The following C22orf23 variants were observed in gnomAD, a reference collection of about 807,000 sequenced individuals.
The protein encoded by C22orf23 is chromosome 22 open reading frame 23, also known as UPF0193 protein EVG1.
In C22orf23, 30 loss-of-function variants were observed where a neutral mutation model predicts 29.7. The ratio of observed to expected loss-of-function variants is 1.01; its 90% CI spans 0.76 to 1.37. The LOEUF is 1.37. Ranked by LOEUF, C22orf23 falls within the 40% of genes most tolerant of loss-of-function variation. The pLI is 0.00. For synonymous variants in C22orf23, 90 were observed against 96.1 expected (o/e 0.94, Z 0.37); for missense variants, 237 against 273.1 (o/e 0.87, Z 0.93).
chr22:37,952,379 G>T (rs1407140626), intron 2 of C22orf23, among the ~76,000 whole-genome samples: 2 of 152,234 alleles, frequency 1.3e-5, no homozygotes, highest in African/African-American at 4.8e-5. Context: ...ATGTGTGAGG[G>T]CACATAACAG....
rs771139047 is a variant in C22orf23, at chr22:37,947,457, TCTC to T, written c.170_172del (p.Gly57del). The T allele has an allele frequency of 4.5e-6, 7 of 1,540,780 alleles. No homozygotes were observed. Among genetic ancestry groups the T allele is most frequent in the East Asian group, 2.5e-5 (1 of 39,746 alleles). On this transcript the variant is annotated inframe_deletion, in exon 4 of 7. Transcript: ENST00000403305. ...TGGGCTGCACTGTAGGGGCAAAGCA[TCTC>T]CTCCTGGGGAACGAAGAGTTGGGGT...
chr22:37,953,328 A>C, intron 1 of C22orf23, 120 bp downstream of exon 1: 1 of 599,282 alleles, frequency 1.7e-6, no homozygotes, highest in Non-Finnish European at 3.0e-6. Context: ...ACAGATACAC[A>C]CACACAGTCC....
rs1174918189 is a variant in C22orf23 at position 37,947,480 on chromosome 22, TG to T, written c.167-18del. The stretch of plus-strand genomic sequence containing the variant: ...CATCTCCTCCTGGGGAACGAAGAGT[TG>T]GGGTGGGAGGACCCACATGGCTTTT... On this transcript the variant is annotated intron_variant, in intron 3 of 6. Coordinates refer to ENST00000403305, the MANE Select transcript of C22orf23 (RefSeq NM_032561.5). 6.7e-7 allele frequency: 1 copy of T among 1,483,078 alleles called. No individual in the cohort carries two copies. The highest frequency in any genetic ancestry group is 9.0e-7 in the Non-Finnish European group (1 of 1,114,740). The allele number at this position is 1,483,078 out of a possible 1,614,324, so 91.9% of individuals were successfully genotyped here. A position where few individuals can be genotyped will look rare whatever the true frequency, so the allele number is the denominator to read the frequency against.
Position 37,953,158 on chromosome 22 carries a change from T to C in C22orf23, c.-9A>G. Reference sequence around the variant, plus strand: ...TGCTTCTGTGAAGCCATGGGAGGACTCTGAGGAGGGAAAGACGCAATGACA... The same window carrying C: ...TGCTTCTGTGAAGCCATGGGAGGACCCTGAGGAGGGAAAGACGCAATGACA... On this transcript the variant is annotated splice_region_variant and 5_prime_UTR_variant, in exon 2 of 7. Coordinates refer to ENST00000403305, the MANE Select transcript of C22orf23 (RefSeq NM_032561.5). The C allele has an allele frequency of 6.2e-7, 1 of 1,605,586 alleles. No homozygotes were observed. The highest frequency in any genetic ancestry group is 8.5e-7 in the Non-Finnish European group (1 of 1,173,178).
At position 37,953,597 on chromosome 22, in the gene C22orf23, A is replaced by G. The variant is rs1931210710; in HGVS notation, c.-159T>C. ...GAGCTGGCAGCTAGCGCCTCTCGCT[A>G]CTATAGAAACGCGCACACACCAGTC... On this transcript the variant is annotated 5_prime_UTR_variant, in exon 1 of 7. Coordinates refer to ENST00000403305, the MANE Select transcript of C22orf23 (RefSeq NM_032561.5). 8 of 647,752 alleles carry G rather than the reference A, an allele frequency of 1.2e-5. No homozygotes were observed. Among genetic ancestry groups the G allele is most frequent in the East Asian group, 3.0e-5 (1 of 33,552 alleles). The allele number at this position is 647,752 out of a possible 1,614,324, so 40.1% of individuals were successfully genotyped here. A position where few individuals can be genotyped will look rare whatever the true frequency, so the allele number is the denominator to read the frequency against.
chr22:37,945,182 C>T lies in C22orf23; in HGVS notation c.350-9G>A. 1.9e-6 allele frequency: 3 copies of T among 1,606,966 alleles called. No homozygotes were observed. Among genetic ancestry groups the T allele is most frequent in the Non-Finnish European group, 2.5e-6 (3 of 1,177,534 alleles). On this transcript the variant is annotated splice_polypyrimidine_tract_variant and intron_variant, in intron 4 of 6. Coordinates refer to ENST00000403305, the MANE Select transcript of C22orf23 (RefSeq NM_032561.5). ...CTCCTTCTCCAAATCCCCTGTAGGG[C>T]CAAAAAGAAATGGCCTAGTTAGGCT...
chr22:37,951,507 G>C lies in C22orf23; in HGVS notation c.119C>G (p.Ser40Cys). 6.2e-7 allele frequency: 1 copy of C among 1,613,946 alleles called. No individual in the cohort carries two copies. Among genetic ancestry groups the C allele is most frequent in the Non-Finnish European group, 8.5e-7 (1 of 1,179,974 alleles). Residue 40 changes from serine (S) to cysteine (C), a missense_variant, in exon 3 of 7, where the codon TCC becomes TGC. By Grantham distance (112) the Ser-to-Cys change is moderately radical. Transcript: ENST00000403305. Reference protein sequence around the residue: ...CELLRVMMKESKLTNIQQRHI... With the variant: ...CELLRVMMKECKLTNIQQRHI... ...GCGCTGCTGGATGTTCGTCAGTTTG[G>C]ATTCCTTCATCATCACTGCACGACA... is the stretch of plus-strand genomic sequence containing the variant.
rs775249645 is a variant in C22orf23, at chr22:37,945,152, T to C, written c.371A>G (p.Gln124Arg). ...QATRDLEKEK[Q>R]RLQNIFATGK... ...TGTGGCAAAGATATTTTGGAGTCTT[T>C]GTTTCTCCTTCTCCAAATCCCCTGT... Residue 124 changes from glutamine to arginine, a missense_variant, in exon 5 of 7, where the codon CAA becomes CGA. Gln to Arg is a conservative substitution (Grantham distance 43). Transcript: ENST00000403305. 8 of 1,613,136 alleles carry C rather than the reference T, an allele frequency of 5.0e-6. No homozygotes were observed. The highest frequency in any genetic ancestry group is 1.7e-5 in the Admixed American group (1 of 59,816).
chr22:37,945,494 CT>C (rs369277812), intron 4 of C22orf23, among the ~76,000 whole-genome samples: 229 of 129,092 alleles, frequency 1.8e-3, no homozygotes, highest in Admixed American at 2.6e-3. Context: ...TTTTTTTCTT[CT>C]TTTTTTTTTT....
chr22:37,944,006 AG>A lies in C22orf23; in HGVS notation c.*168del. The stretch of plus-strand genomic sequence containing the variant: ...AGAGGCTCCATCTGCATTCCGGGGC[AG>A]GGGCTAGGCTGCTGAGTATGCCTTG... On this transcript the variant is annotated 3_prime_UTR_variant, in exon 7 of 7. Transcript: ENST00000403305. 1.5e-6 allele frequency: 1 copy of A among 654,936 alleles called. No individual in the cohort carries two copies. The highest frequency in any genetic ancestry group is 2.7e-6 in the Non-Finnish European group (1 of 366,434). The allele number at this position is 654,936 out of a possible 1,614,324, so 40.6% of individuals were successfully genotyped here. A position where few individuals can be genotyped will look rare whatever the true frequency, so the allele number is the denominator to read the frequency against.
chr22:37,952,937 C>T, intron 2 of C22orf23, 110 bp downstream of exon 2: 1 of 759,052 alleles, frequency 1.3e-6, no homozygotes, highest in Non-Finnish European at 2.3e-6. Context: ...TGAGGTGGAA[C>T]AGTTTCATCC....
chr22:37,945,523 C>G (rs12158246), intron 4 of C22orf23, among the ~76,000 whole-genome samples: 1 of 141,712 alleles, frequency 7.1e-6, no homozygotes, highest in Non-Finnish European at 1.5e-5. Context: ...GAGACAAGGT[C>G]TGACTCTGTC....
At chr22:37,949,461 T>TTG (rs1555931423) in intron 3 of C22orf23, among the ~76,000 whole-genome samples, 7 of 144,344 alleles carry the variant, frequency 4.8e-5, no homozygotes, top group African/African-American at 1.8e-4. Flanking sequence ...TTTTTTTTTT[T>TTG]TTTTTTTTTT....
rs1340399804 is a variant in C22orf23, at chr22:37,953,203, C to T, written c.-9-45G>A. ...ATGACACACCCCCTGTCTCCTGTCC[C>T]TAATCTCTGTTCCCCGACGCCCAAC... On this transcript the variant is annotated intron_variant, in intron 1 of 6. Transcript: ENST00000403305. 5 of 1,364,486 alleles carry T rather than the reference C, an allele frequency of 3.7e-6. No individual in the cohort carries two copies. The African/African-American group carries it at 7.2e-5, about 20-fold the overall frequency. 84.5% of individuals were successfully genotyped at this position (1,364,486 alleles called of 1,614,324 possible). A position where few individuals can be genotyped will look rare whatever the true frequency, so the allele number is the denominator to read the frequency against.
At chr22:37,946,825 G>T (rs1185569611) in intron 4 of C22orf23, among the ~76,000 whole-genome samples, 1 of 147,036 alleles carries the variant, frequency 6.8e-6, no homozygotes, top group Non-Finnish European at 1.5e-5. Context: ...AGTGAGCCGA[G>T]ATAGCACCAC....
intron 3 of C22orf23, among the ~76,000 whole-genome samples, chr22:37,950,044 C>A (rs1053898318): frequency 1.3e-5 from 2 of 152,064 alleles, no homozygotes; most frequent in African/African-American, 4.8e-5. Flanking sequence ...AAGCAATCCT[C>A]CTGCCTTAGC....
rs1930524653 is a variant in C22orf23, at chr22:37,943,645, T to C, written c.*530A>G. ...TTGCCACTTGAAATATGCAAACAGGTAGCTAGAAACCATCTGGGCTTGACA... is the reference window on the plus strand; with the variant it reads ...TTGCCACTTGAAATATGCAAACAGGCAGCTAGAAACCATCTGGGCTTGACA... On this transcript the variant is annotated 3_prime_UTR_variant, in exon 7 of 7. Coordinates refer to ENST00000403305, the MANE Select transcript of C22orf23 (RefSeq NM_032561.5). The C allele has an allele frequency of 6.3e-6, 1 of 159,490 alleles. No individual in the cohort carries two copies. The highest frequency in any genetic ancestry group is 1.8e-4 in the South Asian group (1 of 5,490). The allele number at this position is 159,490 out of a possible 1,614,324, so 9.9% of individuals were successfully genotyped here.
At chr22:37,951,797 CTTTTTTTTTTTTTTT>C (rs551481283) in intron 2 of C22orf23, 152 of 38,782 alleles carry the variant, frequency 3.9e-3, no homozygotes, top group African/African-American at 7.5e-3. Context: ...TCCTCTTTCT[CTTTTTTTTTTTTTTT>C]TTTTTTTTTT....
intron 4 of C22orf23, among the ~76,000 whole-genome samples, chr22:37,946,822 C>T (rs993892288): frequency 6.7e-6 from 1 of 149,282 alleles, no homozygotes; most frequent in Non-Finnish European, 1.5e-5. Flanking sequence ...TACAGTGAGC[C>T]GAGATAGCAC....
Sources: allele counts gnomAD v4.1 joint callset (sites outside exome capture counted in the v4.1 genomes callset), GRCh38; gene constraint gnomAD v4.1.1; transcripts MANE v1.5; gene names NCBI Gene and HGNC (gene_info 2026-07-23, HGNC 2026-07-21).